P4HA3: variants seen among roughly 807,000 people sequenced by gnomAD.
The protein encoded by P4HA3 is prolyl 4-hydroxylase subunit alpha-3.
In P4HA3, 60 loss-of-function variants were observed where a neutral mutation model predicts 66.7. The observed-to-expected ratio is 0.90, with a 90% CI of 0.73 to 1.12. The LOEUF is 1.12. Among genes scored for constraint, P4HA3 ranks in the 50% most tolerant of loss-of-function variants. The probability of loss-of-function intolerance (pLI) is 0.00; values close to 1 mark genes in which losing one functional copy is unlikely to be tolerated. For synonymous variants in P4HA3, 263 were observed against 274.6 expected, an observed-to-expected ratio of 0.96 and a Z score of 0.42; for missense variants, 683 against 685.8, an observed-to-expected ratio of 1.00 and a Z score of 0.05.
rs1250077274 is a variant in P4HA3 at position 74,311,403 on chromosome 11, T to C, written c.200+9A>G. 2.7e-6 allele frequency: 4 copies of C among 1,500,952 alleles called. No homozygotes were observed. The highest frequency in any genetic ancestry group is 2.9e-5 in the African/African-American group (2 of 69,786). The allele number at this position is 1,500,952 out of a possible 1,614,324, so 93.0% of individuals were successfully genotyped here. On this transcript the variant is annotated intron_variant, in intron 1 of 12. Transcript: ENST00000331597. Reference sequence around the variant, plus strand: ...GCCCCTCGGTCGCTCCCACTCGTCGTGCCCTCACCTAGTCAGGTCCCGCAG... The same window carrying C: ...GCCCCTCGGTCGCTCCCACTCGTCGCGCCCTCACCTAGTCAGGTCCCGCAG...
chr11:74,251,334 C>T, intron 15 of P4HA3: 1 of 1,358,430 alleles, frequency 7.4e-7, no homozygotes, highest in Middle Eastern at 2.8e-4. Flanking sequence ...AAACTGCTCC[C>T]TAAACCACAG....
At chr11:74,251,733 G>T (rs982870126) in intron 15 of P4HA3, 1 of 1,613,730 alleles carries the variant, frequency 6.2e-7, no homozygotes, top group Non-Finnish European at 8.5e-7. Flanking sequence ...GGGTACAAGG[G>T]TTTAAGAACC....
chr11:74,267,217 A>G lies in P4HA3; in HGVS notation c.*31T>C, dbSNP rs368079751. 11 of 1,613,838 alleles carry G rather than the reference A, an allele frequency of 6.8e-6. No individual in the cohort carries two copies. In the African/African-American group the frequency reaches 1.2e-4, roughly 18 times the overall value. The stretch of plus-strand genomic sequence containing the variant: ...GCTCCTGGCTTCTCTGGAAAGCCAC[A>G]GGACTCCACCAGCTTCTCTCTGCCA... On this transcript the variant is annotated 3_prime_UTR_variant, in exon 13 of 13. Coordinates refer to ENST00000331597, the MANE Select transcript of P4HA3 (RefSeq NM_182904.5).
At chr11:74,251,955 A>G in intron 15 of P4HA3, 3 of 703,996 alleles carry the variant, frequency 4.3e-6, no homozygotes, top group Non-Finnish European at 7.9e-6. Flanking sequence ...GCCTAGTCTC[A>G]CTCCCCACTG....
At chr11:74,311,380 C>T (rs373757376) in intron 1 of P4HA3, 32 bp downstream of exon 1, 22 of 1,469,040 alleles carry the variant, frequency 1.5e-5, no homozygotes, top group Non-Finnish European at 2.0e-5. Flanking sequence ...CCACTGAGGC[C>T]CCTCGGTCGC....
intron 7 of P4HA3, among the ~76,000 whole-genome samples, chr11:74,284,625 G>A (rs1565412197): frequency 1.3e-5 from 2 of 152,088 alleles, no homozygotes; most frequent in African/African-American, 2.4e-5. Context: ...AATGGGAGAA[G>A]TGACCCACCC....
At chr11:74,278,065 C>T (rs1860462001) in intron 8 of P4HA3, among the ~76,000 whole-genome samples, 1 of 152,106 alleles carries the variant, frequency 6.6e-6, no homozygotes, top group African/African-American at 2.4e-5. Flanking sequence ...ACAAATATAA[C>T]TAAGAACAAA....
intron 9 of P4HA3, 21 bp downstream of exon 9, chr11:74,276,964 G>A (rs1277207525): frequency 6.2e-7 from 1 of 1,603,508 alleles, no homozygotes; most frequent in African/African-American, 1.3e-5. Context: ...CCAGGGGATT[G>A]GTCATTGACT....
chr11:74,251,193 G>C, intron 15 of P4HA3: 1 of 1,450,444 alleles, frequency 6.9e-7, no homozygotes, highest in Non-Finnish European at 9.1e-7. Flanking sequence ...TATGGTATTG[G>C]TTTTGTGTAT....
Position 74,267,073 on chromosome 11 carries a change from T to A in P4HA3, c.*175A>T. 1 of 1,537,216 alleles carries A rather than the reference T, an allele frequency of 6.5e-7. No homozygotes were observed. Among genetic ancestry groups the A allele is most frequent in the East Asian group, 2.4e-5 (1 of 40,976 alleles). On this transcript the variant is annotated 3_prime_UTR_variant, in exon 13 of 13. Transcript: ENST00000331597. ...TGGCTGGGGCAGATCAAATGTACAT[T>A]CTCAGTGTCCCCTGGTAACAACCTC...
intron 4 of P4HA3, among the ~76,000 whole-genome samples, chr11:74,289,984 G>A (rs952373030): frequency 6.6e-6 from 1 of 152,106 alleles, no homozygotes; most frequent in Non-Finnish European, 1.5e-5. Context: ...GGGTCAAATG[G>A]TATTTCTAGT....
At chr11:74,283,641 C>T (rs2134758000) in intron 7 of P4HA3, among the ~76,000 whole-genome samples, 1 of 152,360 alleles carries the variant, frequency 6.6e-6, no homozygotes, top group South Asian at 2.1e-4. Flanking sequence ...AGCTTCATTT[C>T]CTATCACCTC....
At chr11:74,265,222 C>T (rs1859971609), downstream of P4HA3, among the ~76,000 whole-genome samples, 1 of 152,168 alleles carries the variant, frequency 6.6e-6, no homozygotes, top group Admixed American at 6.5e-5. Context: ...CTTTCTGTCT[C>T]GTCTCAGGCC....
At chr11:74,261,390 T>C (rs1479951960) in intron 14 of P4HA3, among the ~76,000 whole-genome samples, 2 of 151,620 alleles carry the variant, frequency 1.3e-5, no homozygotes, top group Non-Finnish European at 2.9e-5. Flanking sequence ...AGGTGAAAGG[T>C]GGGGAGCAAT....
intron 15 of P4HA3, among the ~76,000 whole-genome samples, chr11:74,256,870 A>G (rs1404959265): frequency 6.6e-6 from 1 of 152,194 alleles, no homozygotes; most frequent in East Asian, 1.9e-4. Flanking sequence ...CCATGAGGGG[A>G]ATGGGGCATG....
At chr11:74,289,951 G>A (rs377366073) in intron 4 of P4HA3, among the ~76,000 whole-genome samples, 2 of 152,098 alleles carry the variant, frequency 1.3e-5, no homozygotes, top group African/African-American at 4.8e-5. Context: ...TCCTTTGGGT[G>A]TATACCCAGT....
chr11:74,295,904 C>G (rs1165527467), intron 4 of P4HA3, among the ~76,000 whole-genome samples: 1 of 152,188 alleles, frequency 6.6e-6, no homozygotes, highest in East Asian at 1.9e-4. Context: ...TTTTCAAACT[C>G]TTCGTGAGAT....
chr11:74,304,430 A>G lies in P4HA3; in HGVS notation c.201-18T>C. On this transcript the variant is annotated intron_variant, in intron 1 of 12. Coordinates refer to ENST00000331597, the MANE Select transcript of P4HA3 (RefSeq NM_182904.5). Reference sequence around the variant, plus strand: ...CGTAGAATCTGAAAGAAAGGAGTAGAATGATCTCACCTCCTGATACAACCA... The same window carrying G: ...CGTAGAATCTGAAAGAAAGGAGTAGGATGATCTCACCTCCTGATACAACCA... 6.2e-7 allele frequency: 1 copy of G among 1,613,766 alleles called. No homozygotes were observed. Among genetic ancestry groups the G allele is most frequent in the African/African-American group, 1.3e-5 (1 of 75,044 alleles).
chr11:74,280,032 C>T (rs2134748656), intron 7 of P4HA3, among the ~76,000 whole-genome samples: 1 of 152,302 alleles, frequency 6.6e-6, no homozygotes, highest in African/African-American at 2.4e-5. Flanking sequence ...GTTGAGGGTA[C>T]TTGTGAGATT....
Sources: gnomAD v4.1 joint callset for allele counts (sites outside exome capture counted in the v4.1 genomes callset) on GRCh38, gnomAD v4.1.1 for gene constraint, MANE v1.5 for transcripts, NCBI Gene and HGNC (gene_info 2026-07-23, HGNC 2026-07-21) for gene names.